The following ARB2A variants were observed in gnomAD, a reference collection of about 807,000 sequenced individuals.
ARB2A encodes the protein ARB2 cotranscriptional regulator A.
chr5:94,030,644 A>G, the ARB2A span, among the ~76,000 whole-genome samples: 1 of 152,158 alleles, frequency 6.6e-6, no homozygotes, highest in African/African-American at 2.4e-5. Context: ...CCAGCATGCT[A>G]TGGTTTGGTT....
At chr5:93,987,300 G>A in the ARB2A span, among the ~76,000 whole-genome samples, 2 of 152,034 alleles carry the variant, frequency 1.3e-5, no homozygotes, top group South Asian at 2.1e-4. Flanking sequence ...AAGAAAGAAA[G>A]AAACATAAAA....
chr5:93,944,081 TG>T, the ARB2A span, among the ~76,000 whole-genome samples: 5 of 152,178 alleles, frequency 3.3e-5, no homozygotes, highest in African/African-American at 1.2e-4. Context: ...AATTTTCTAG[TG>T]TGATGAATAT....
At chr5:93,914,782 G>T in the ARB2A span, among the ~76,000 whole-genome samples, 2 of 151,678 alleles carry the variant, frequency 1.3e-5, no homozygotes, top group Admixed American at 6.6e-5. Context: ...AATAACTGAG[G>T]GTTATTAAGA....
the ARB2A span, among the ~76,000 whole-genome samples, chr5:93,976,100 A>G: frequency 2.6e-5 from 4 of 152,216 alleles, no homozygotes; most frequent in African/African-American, 7.2e-5. Flanking sequence ...GCAAATCAAT[A>G]AATGTGATTC....
the ARB2A span, among the ~76,000 whole-genome samples, chr5:93,813,016 A>G: frequency 2.6e-5 from 4 of 152,208 alleles, no homozygotes; most frequent in Non-Finnish European, 5.9e-5. Context: ...TGAGGACACA[A>G]TGAGAACATG....
chr5:93,752,116 A>G, the ARB2A span, among the ~76,000 whole-genome samples: 1 of 152,196 alleles, frequency 6.6e-6, no homozygotes, highest in Non-Finnish European at 1.5e-5. Flanking sequence ...ATAAACAGAC[A>G]TAGAGAGACC....
chr5:93,817,278 A>G, the ARB2A span, among the ~76,000 whole-genome samples: 2 of 152,210 alleles, frequency 1.3e-5, no homozygotes, highest in Non-Finnish European at 2.9e-5. Flanking sequence ...TAAATTTAAG[A>G]GGAGAAGCTT....
chr5:93,843,636 G>C, the ARB2A span, among the ~76,000 whole-genome samples: 1 of 151,864 alleles, frequency 6.6e-6, no homozygotes, highest in Non-Finnish European at 1.5e-5. Flanking sequence ...GTCTCACTAT[G>C]TTACCCAGGC....
At chr5:93,755,823 G>A in the ARB2A span, among the ~76,000 whole-genome samples, 3 of 152,192 alleles carry the variant, frequency 2.0e-5, no homozygotes. Flanking sequence ...ATTCCACAGG[G>A]AGAAGGAAAT....
chr5:93,878,344 T>C, the ARB2A span, among the ~76,000 whole-genome samples: 2 of 152,078 alleles, frequency 1.3e-5, no homozygotes, highest in Admixed American at 6.6e-5. Flanking sequence ...TGGGATACAG[T>C]AGCGAGCAAA....
the ARB2A span, among the ~76,000 whole-genome samples, chr5:94,066,570 A>G: frequency 6.6e-6 from 1 of 152,104 alleles, no homozygotes; most frequent in Admixed American, 6.5e-5. Flanking sequence ...ACAACTGTAC[A>G]AGCTGGAAAA....
chr5:93,977,173 G>T, the ARB2A span, among the ~76,000 whole-genome samples: 1 of 152,116 alleles, frequency 6.6e-6, no homozygotes, highest in South Asian at 2.1e-4. Context: ...TATTTATACT[G>T]CCCAAAGCAA....
the ARB2A span, among the ~76,000 whole-genome samples, chr5:93,892,632 A>G: frequency 6.6e-6 from 1 of 152,150 alleles, no homozygotes; most frequent in South Asian, 2.1e-4. Context: ...TCTATTTAAA[A>G]TATGTGATAT....
At chr5:93,871,523 C>G in the ARB2A span, among the ~76,000 whole-genome samples, 5 of 152,132 alleles carry the variant, frequency 3.3e-5, no homozygotes, top group African/African-American at 1.2e-4. Context: ...CTTTCTTTTA[C>G]AATTGCATAT....
At chr5:93,847,293 T>TA in the ARB2A span, among the ~76,000 whole-genome samples, 16 of 152,236 alleles carry the variant, frequency 1.1e-4, no homozygotes, top group African/African-American at 3.9e-4. Context: ...TCTTAACATA[T>TA]AAACAATTCA....
At chr5:93,898,493 GCTTAA>G in the ARB2A span, among the ~76,000 whole-genome samples, 2 of 151,918 alleles carry the variant, frequency 1.3e-5, no homozygotes, top group East Asian at 1.9e-4. Flanking sequence ...CTTTTCTGAG[GCTTAA>G]CTTAATTTTG....
the ARB2A span, among the ~76,000 whole-genome samples, chr5:93,645,632 T>C: frequency 6.7e-6 from 1 of 149,456 alleles, no homozygotes; most frequent in Non-Finnish European, 1.5e-5. Flanking sequence ...GAAAAAAATA[T>C]GTACAGGATG....
the ARB2A span, among the ~76,000 whole-genome samples, chr5:93,675,387 T>C: frequency 1.3e-5 from 2 of 152,208 alleles, no homozygotes; most frequent in South Asian, 2.1e-4. Flanking sequence ...TGAGATATGA[T>C]ATGAATTGGC....
chr5:93,883,531 C>T, the ARB2A span, among the ~76,000 whole-genome samples: 14 of 151,730 alleles, frequency 9.2e-5, 1 homozygote, highest in South Asian at 1.9e-3. Flanking sequence ...ATTGTGATCA[C>T]TGTCAGGTAG....
Sources: allele counts gnomAD v4.1 joint callset (sites outside exome capture counted in the v4.1 genomes callset), GRCh38; gene constraint gnomAD v4.1.1; transcripts MANE v1.5; gene names NCBI Gene and HGNC (gene_info 2026-07-23, HGNC 2026-07-21).